Variants in RHBDL2 observed in about 807,000 individuals in gnomAD.
RHBDL2 encodes the protein rhomboid like 2.
RHBDL2 carries 26 observed loss-of-function variants against 31.7 expected under a neutral mutation model. The observed-to-expected ratio is 0.82, with a 90% CI of 0.60 to 1.14. The LOEUF is 1.14. Among genes scored for constraint, RHBDL2 ranks in the 50% most tolerant of loss-of-function variants. RHBDL2 has a pLI of 0.00. For synonymous variants in RHBDL2, 123 were observed against 127.2 expected (o/e 0.97, Z 0.22); for missense variants, 336 against 364.4 (o/e 0.92, Z 0.63).
chr1:38,914,765 C>T (rs956954737), intron 3 of RHBDL2, among the ~76,000 whole-genome samples: 1 of 151,784 alleles, frequency 6.6e-6, no homozygotes, highest in Admixed American at 6.6e-5. Flanking sequence ...CACAGTGGCT[C>T]ACACCTGTAA....
chr1:38,934,017 C>T (rs746443591), intron 1 of RHBDL2, among the ~76,000 whole-genome samples: 1 of 152,080 alleles, frequency 6.6e-6, no homozygotes, highest in Non-Finnish European at 1.5e-5. Flanking sequence ...AGTTATCCAC[C>T]GTGCTGTGTC....
intron 5 of RHBDL2, 50 bp downstream of exon 5, chr1:38,895,919 G>A: frequency 8.3e-7 from 1 of 1,202,134 alleles, no homozygotes; most frequent in Non-Finnish European, 1.2e-6. Context: ...AAGAGTTACT[G>A]TTTTCTGTTT....
At chr1:38,915,025 T>A (rs1261769985) in intron 3 of RHBDL2, among the ~76,000 whole-genome samples, 1 of 144,750 alleles carries the variant, frequency 6.9e-6, no homozygotes, top group Non-Finnish European at 1.5e-5. Flanking sequence ...CGAGACTCCA[T>A]CTCAAAAAAA....
chr1:38,911,072 A>T (rs1247783971), intron 4 of RHBDL2, among the ~76,000 whole-genome samples: 1 of 152,012 alleles, frequency 6.6e-6, no homozygotes, highest in African/African-American at 2.4e-5. Flanking sequence ...AGCGCCAGGC[A>T]TACTTGCAAT....
At chr1:38,939,332 T>C (rs1004631279) in intron 1 of RHBDL2, among the ~76,000 whole-genome samples, 2 of 152,062 alleles carry the variant, frequency 1.3e-5, no homozygotes, top group Admixed American at 1.3e-4. Flanking sequence ...CCTTGGCGTC[T>C]CAGGCTCAAA....
At chr1:38,932,378 A>G (rs770830038) in intron 1 of RHBDL2, among the ~76,000 whole-genome samples, 2 of 152,348 alleles carry the variant, frequency 1.3e-5, no homozygotes, top group Middle Eastern at 3.4e-3. Context: ...TGATGACTAC[A>G]TGGAGAAGAA....
At chr1:38,900,410 CG>C (rs1642974530) in intron 4 of RHBDL2, among the ~76,000 whole-genome samples, 1 of 151,978 alleles carries the variant, frequency 6.6e-6, no homozygotes, top group Non-Finnish European at 1.5e-5. Context: ...TCATTAAGGT[CG>C]GAAGTTTGAG....
chr1:38,918,000 T>C (rs1643261346), intron 2 of RHBDL2, among the ~76,000 whole-genome samples: 1 of 152,202 alleles, frequency 6.6e-6, no homozygotes, highest in Non-Finnish European at 1.5e-5. Context: ...TTGTCCTCTG[T>C]TAGGAAAAGG....
At chr1:38,894,119 A>G (rs1642885857) in intron 5 of RHBDL2, among the ~76,000 whole-genome samples, 1 of 152,202 alleles carries the variant, frequency 6.6e-6, no homozygotes, top group Non-Finnish European at 1.5e-5. Flanking sequence ...TAATTTACAT[A>G]ACAACCCAGT....
At chr1:38,897,433 A>G (rs1642933183) in intron 4 of RHBDL2, among the ~76,000 whole-genome samples, 1 of 152,116 alleles carries the variant, frequency 6.6e-6, no homozygotes, top group Non-Finnish European at 1.5e-5. Flanking sequence ...TTGGCCAGAC[A>G]CTGTGGTTCA....
chr1:38,890,335 C>T (rs1298564451), intron 6 of RHBDL2, among the ~76,000 whole-genome samples: 1 of 152,146 alleles, frequency 6.6e-6, no homozygotes, highest in Non-Finnish European at 1.5e-5. Flanking sequence ...TTTCAATCAT[C>T]ATTTGCATTT....
intron 4 of RHBDL2, among the ~76,000 whole-genome samples, chr1:38,904,883 T>G (rs987417644): frequency 6.7e-6 from 1 of 148,582 alleles, no homozygotes; most frequent in Admixed American, 6.7e-5. Context: ...TACAAAAAAT[T>G]AGCCGGGCGT....
intron 6 of RHBDL2, among the ~76,000 whole-genome samples, chr1:38,891,000 G>A (rs1189815120): frequency 2.0e-5 from 3 of 152,016 alleles, no homozygotes; most frequent in African/African-American, 4.8e-5. Flanking sequence ...TGGGCTCAGT[G>A]GCTCACGGCT....
intron 4 of RHBDL2, among the ~76,000 whole-genome samples, chr1:38,902,721 T>C (rs1643011346): frequency 6.6e-6 from 1 of 151,098 alleles, no homozygotes; most frequent in Non-Finnish European, 1.5e-5. Flanking sequence ...CACCCAGCCT[T>C]TGTTATTTTT....
At chr1:38,891,948 T>C (rs922224154) in intron 6 of RHBDL2, among the ~76,000 whole-genome samples, 2 of 152,188 alleles carry the variant, frequency 1.3e-5, no homozygotes, top group African/African-American at 2.4e-5. Flanking sequence ...CTGGAGCAGG[T>C]CTGTCAACAC....
At chr1:38,921,553 T>A (rs571998359) in intron 1 of RHBDL2, among the ~76,000 whole-genome samples, 2 of 152,290 alleles carry the variant, frequency 1.3e-5, no homozygotes, top group Non-Finnish European at 2.9e-5. Context: ...TCAGATCAAA[T>A]TCAACTGATT....
chr1:38,936,050 C>A (rs772639118), intron 1 of RHBDL2, among the ~76,000 whole-genome samples: 2 of 151,532 alleles, frequency 1.3e-5, no homozygotes, highest in Non-Finnish European at 2.9e-5. Context: ...ATAGCTAGGA[C>A]CACAGGCACA....
chr1:38,931,530 AAAAG>A (rs1455183438), intron 1 of RHBDL2, among the ~76,000 whole-genome samples: 2,529 of 146,426 alleles, frequency 0.017, 69 homozygotes, highest in African/African-American at 0.058. Flanking sequence ...TCAAAAAAAA[AAAAG>A]AAAAGAAAAA....
chr1:38,890,810 C>T (rs113506826), intron 6 of RHBDL2, among the ~76,000 whole-genome samples: 3 of 152,070 alleles, frequency 2.0e-5, no homozygotes, highest in African/African-American at 7.2e-5. Context: ...AGCGAATTCT[C>T]CCACCTCAGC....
Sources: allele counts gnomAD v4.1 joint callset (sites outside exome capture counted in the v4.1 genomes callset), GRCh38; gene constraint gnomAD v4.1.1; transcripts MANE v1.5; gene names NCBI Gene and HGNC (gene_info 2026-07-23, HGNC 2026-07-21).